Variants in RFPL2 observed in about 807,000 individuals in gnomAD.
RFPL2 encodes ret finger protein-like 2.
In RFPL2, 13 loss-of-function variants were observed where a neutral mutation model predicts 17.8. That is an observed-to-expected ratio of 0.73 (90% CI 0.47 to 1.16). RFPL2 has a LOEUF of 1.16. RFPL2 is among the 50% of genes most tolerant of loss of function. RFPL2 has a pLI of 0.00. For missense variants in RFPL2, 431 were observed against 479.3 expected (o/e 0.90, Z 0.94); for synonymous variants, 189 against 180.9 (o/e 1.04, Z -0.36).
At position 32,194,332 on chromosome 22, in the gene RFPL2, G is replaced by C. The variant is rs1603204303; in HGVS notation, c.265+13C>G. ...ATCTAAGAGGAAAAACACACACACA[G>C]GCATGGGCTCACCTCTTCTGCTGGA... On this transcript the variant is annotated intron_variant, in intron 3 of 4. Coordinates refer to ENST00000652607, the MANE Select transcript of RFPL2 (RefSeq NM_001394555.1). 1.2e-6 allele frequency: 2 copies of C among 1,601,124 alleles called. No homozygotes were observed. Among genetic ancestry groups the C allele is most frequent in the African/African-American group, 2.7e-5 (2 of 73,740 alleles).
In RFPL2 at chr22:32,202,473, C is replaced by G. The variant is rs1412638151; in HGVS notation, c.-22G>C. ...CCATCGGAGGCAAATCATGGTGCCA[C>G]AGGCTCTAGCCTCCAGCCCGTGGCA... On this transcript the variant is annotated 5_prime_UTR_variant, in exon 2 of 5. Coordinates refer to ENST00000652607, the MANE Select transcript of RFPL2 (RefSeq NM_001394555.1). The G allele has an allele frequency of 6.4e-7, 1 of 1,568,718 alleles. No homozygotes were observed. The highest frequency in any genetic ancestry group is 8.6e-7 in the Non-Finnish European group (1 of 1,156,734).
chr22:32,192,282 C>T (rs959416620), intron 4 of RFPL2, among the ~76,000 whole-genome samples: 9 of 152,118 alleles, frequency 5.9e-5, no homozygotes, highest in Non-Finnish European at 1.3e-4. Context: ...TGTAAATGTC[C>T]CTTTTCTCCA....
At chr22:32,195,680 A>C (rs1923248851) in intron 2 of RFPL2, among the ~76,000 whole-genome samples, 2 of 150,082 alleles carry the variant, frequency 1.3e-5, no homozygotes, top group South Asian at 2.1e-4. Flanking sequence ...CTGGTCTTGA[A>C]CTCCTGACTT....
At chr22:32,200,168 C>T (rs1372643173) in intron 2 of RFPL2, 7 of 381,598 alleles carry the variant, frequency 1.8e-5, no homozygotes, top group South Asian at 6.3e-5. Context: ...GCAGCAGCTA[C>T]AGCTGCCGGG....
intron 1 of RFPL2, chr22:32,202,918 G>C (rs900973534): frequency 1.0e-6 from 1 of 998,748 alleles, no homozygotes; most frequent in African/African-American, 1.7e-5. Context: ...GGTCCCAGGC[G>C]GTCTCTGCAA....
At chr22:32,198,547 G>A (rs16989991) in intron 2 of RFPL2, among the ~76,000 whole-genome samples, 11,586 of 151,948 alleles carry the variant, frequency 0.076, 1,487 homozygotes, top group African/African-American at 0.26. Flanking sequence ...ACAGTGTGGG[G>A]TATTTCATGG....
chr22:32,202,178 C>G (rs539228979), intron 2 of RFPL2, among the ~76,000 whole-genome samples, 155 bp downstream of exon 2: 4 of 152,140 alleles, frequency 2.6e-5, no homozygotes, highest in African/African-American at 9.7e-5. Flanking sequence ...TCTCTCCCCC[C>G]ACTTTCTGTC....
chr22:32,203,823 C>T (rs1017287588), intron 1 of RFPL2, among the ~76,000 whole-genome samples: 2 of 151,698 alleles, frequency 1.3e-5, no homozygotes, highest in African/African-American at 2.4e-5. Context: ...CCACTGACCC[C>T]CGCCGCTGTG....
At position 32,202,564 on chromosome 22, in the gene RFPL2, CAG is replaced by C; in HGVS notation, c.-99-16_-99-15del. On this transcript the variant is annotated splice_polypyrimidine_tract_variant and intron_variant, in intron 1 of 4. Coordinates refer to ENST00000652607, the MANE Select transcript of RFPL2 (RefSeq NM_001394555.1). ...AGCCAGAAAAGCCTAGAACAGGATGCAGAGTGGTAACATTAGAGCGCACCTTG... is the reference window on the plus strand; with the variant it reads ...AGCCAGAAAAGCCTAGAACAGGATGCAGTGGTAACATTAGAGCGCACCTTG... 1 of 1,495,898 alleles carries C rather than the reference CAG, an allele frequency of 6.7e-7. No individual in the cohort carries two copies. The highest frequency in any genetic ancestry group is 8.9e-7 in the Non-Finnish European group (1 of 1,126,238). 92.7% of individuals were successfully genotyped at this position (1,495,898 alleles called of 1,614,324 possible).
At chr22:32,191,913 C>T (rs2149523807) in intron 4 of RFPL2, among the ~76,000 whole-genome samples, 1 of 119,764 alleles carries the variant, frequency 8.3e-6, no homozygotes, top group East Asian at 2.0e-4. Flanking sequence ...TTGTCCAGAA[C>T]ATTCTGAAAA....
intron 2 of RFPL2, among the ~76,000 whole-genome samples, chr22:32,198,507 T>C (rs1923589935): frequency 6.6e-6 from 1 of 151,902 alleles, no homozygotes; most frequent in Non-Finnish European, 1.5e-5. Context: ...TAGGGGGTCC[T>C]AGGGAGTAGA....
At chr22:32,193,555 T>A in intron 3 of RFPL2, 1 of 1,251,212 alleles carries the variant, frequency 8.0e-7, no homozygotes, top group East Asian at 3.5e-5. Context: ...GACTGATTGA[T>A]GAACATAAGA....
intron 2 of RFPL2, 148 bp from the exon 3 acceptor site, chr22:32,194,638 A>T: frequency 1.3e-6 from 1 of 757,620 alleles, no homozygotes; most frequent in Non-Finnish European, 2.1e-6. Context: ...ATTAGGCTTA[A>T]TGTACTAACT....
Position 32,193,089 on chromosome 22 carries a change from C to G in RFPL2, c.369G>C (p.Lys123Asn). 1 of 1,613,932 alleles carries G rather than the reference C, an allele frequency of 6.2e-7. No individual in the cohort carries two copies. The highest frequency in any genetic ancestry group is 1.1e-5 in the South Asian group (1 of 91,076). ...SLECGCAVCL[K>N]CINSLQKEPH... ...GCTCCTTCTGCAGTGAATTAATGCA[C>G]TTGAGGCAGACGGCGCATCCACACT... is the stretch of plus-strand genomic sequence containing the variant. The change falls in exon 4 of 5, where the codon AAG becomes AAC. Residue 123 changes from lysine to asparagine, a missense_variant. Physicochemically the swap from Lys to Asn is moderately conservative, Grantham distance 94. Coordinates refer to ENST00000652607, the MANE Select transcript of RFPL2 (RefSeq NM_001394555.1).
At chr22:32,199,975 C>T in intron 2 of RFPL2, 1 of 535,896 alleles carries the variant, frequency 1.9e-6, no homozygotes, top group Non-Finnish European at 3.7e-6. Flanking sequence ...TGAGGAGCTC[C>T]AAGCCAAAAG....
chr22:32,198,300 C>G (rs970011380), intron 2 of RFPL2, among the ~76,000 whole-genome samples: 1 of 152,132 alleles, frequency 6.6e-6, no homozygotes, highest in Admixed American at 6.5e-5. Context: ...AAAGGGAAAA[C>G]CTGATCCAGA....
At chr22:32,194,198 G>A in intron 3 of RFPL2, 147 bp downstream of exon 3, 1 of 850,194 alleles carries the variant, frequency 1.2e-6, no homozygotes, top group Non-Finnish European at 1.8e-6. Flanking sequence ...TGGGGATCCA[G>A]GGTGACTGGT....
rs368193575 is a variant in RFPL2 at position 32,193,178 on chromosome 22, G to A, written c.280C>T (p.Leu94Phe). Residue 94 changes from leucine to phenylalanine, a missense_variant, in exon 4 of 5, where the codon CTC becomes TTC. Transcript: ENST00000652607. ...GGACAGCTGCTTGCTTCTTGGAAGA[G>A]TGCAGCCATGTCCACTGCCAGGGGA... ...ASSRRVDMAA[L>F]FQEASSCPVC... 34 of 1,613,866 alleles carry A rather than the reference G, an allele frequency of 2.1e-5. No homozygotes were observed. Among genetic ancestry groups the A allele is most frequent in the Non-Finnish European group, 2.8e-5 (33 of 1,179,880 alleles).
At chr22:32,198,895 C>G (rs1459906712) in intron 2 of RFPL2, among the ~76,000 whole-genome samples, 1 of 152,158 alleles carries the variant, frequency 6.6e-6, no homozygotes, top group Non-Finnish European at 1.5e-5. Flanking sequence ...CTGTTCTGTC[C>G]TCCCCCGTCT....
Sources: allele counts gnomAD v4.1 joint callset (sites outside exome capture counted in the v4.1 genomes callset), GRCh38; gene constraint gnomAD v4.1.1; transcripts MANE v1.5; gene names NCBI Gene and HGNC (gene_info 2026-07-23, HGNC 2026-07-21).